Variants in IFT88 observed in about 807,000 individuals in gnomAD.
IFT88 encodes intraflagellar transport 88.
Under a neutral mutation model 119.5 loss-of-function variants are expected in IFT88, and 74 were observed. That is an observed-to-expected ratio of 0.62 (90% CI 0.51 to 0.75). The LOEUF (loss-of-function observed/expected upper bound fraction) is 0.75. Among genes scored for constraint, IFT88 ranks in the 30% least tolerant of loss-of-function variants. The probability of loss-of-function intolerance (pLI) is 0.00; values close to 1 mark genes in which losing one functional copy is unlikely to be tolerated. For missense variants in IFT88, 961 were observed against 977.7 expected, an observed-to-expected ratio of 0.98 and a Z score of 0.23; for synonymous variants, 279 against 316.7, an observed-to-expected ratio of 0.88 and a Z score of 1.26.
At chr13:20,579,846 A>C (rs912283881) in intron 2 of IFT88, among the ~76,000 whole-genome samples, 5 of 152,110 alleles carry the variant, frequency 3.3e-5, no homozygotes, top group African/African-American at 1.2e-4. Context: ...TTCAGGACCC[A>C]AGGGCCCTTT....
intron 8 of IFT88, 98 bp downstream of exon 8, chr13:20,596,338 C>T (rs530512461): frequency 4.2e-4 from 173 of 413,476 alleles, no homozygotes; most frequent in South Asian, 3.5e-3. Context: ...TTTTGTTTGC[C>T]GTTGACTGGT....
chr13:20,568,399 A>G (rs1182076528), intron 1 of IFT88, among the ~76,000 whole-genome samples: 7 of 152,216 alleles, frequency 4.6e-5, no homozygotes, highest in Non-Finnish European at 1.0e-4. Context: ...CACTTTCCAC[A>G]TCTTTTAATA....
chr13:20,594,973 GTAT>G (rs1234012689), intron 7 of IFT88, among the ~76,000 whole-genome samples: 1 of 152,206 alleles, frequency 6.6e-6, no homozygotes, highest in Non-Finnish European at 1.5e-5. Flanking sequence ...TGTATTCAGA[GTAT>G]TGTTGTATTT....
At chr13:20,570,516 G>GGA (rs2036121644) in intron 1 of IFT88, among the ~76,000 whole-genome samples, 5 of 152,330 alleles carry the variant, frequency 3.3e-5, no homozygotes, top group African/African-American at 1.2e-4. Flanking sequence ...TGTTGCAGAT[G>GGA]TATTTAGCCA....
At chr13:20,653,239 G>C (rs1276350466) in intron 20 of IFT88, among the ~76,000 whole-genome samples, 3 of 152,150 alleles carry the variant, frequency 2.0e-5, no homozygotes, top group Non-Finnish European at 4.4e-5. Context: ...AATCGAGTAG[G>C]AACTGAGGTT....
chr13:20,580,747 A>G (rs1310845756), intron 2 of IFT88, among the ~76,000 whole-genome samples: 1 of 125,034 alleles, frequency 8.0e-6, no homozygotes, highest in Non-Finnish European at 1.6e-5. Context: ...TTTTTTTGAG[A>G]TGGAGTCTCG....
intron 9 of IFT88, among the ~76,000 whole-genome samples, 161 bp downstream of exon 9, chr13:20,597,280 T>C (rs1324235862): frequency 3.9e-5 from 6 of 152,176 alleles, no homozygotes; most frequent in Non-Finnish European, 8.8e-5. Flanking sequence ...TGTCTTTGTT[T>C]TGTGCAAAGA....
At chr13:20,568,308 A>G (rs1381790726) in intron 1 of IFT88, among the ~76,000 whole-genome samples, 1 of 152,260 alleles carries the variant, frequency 6.6e-6, no homozygotes. Flanking sequence ...GAGAATCCAG[A>G]AACCCTGGGT....
intron 14 of IFT88, among the ~76,000 whole-genome samples, chr13:20,616,723 G>A (rs897831669): frequency 6.6e-6 from 1 of 152,116 alleles, no homozygotes; most frequent in Admixed American, 6.5e-5. Flanking sequence ...TTATTATCAA[G>A]TATTATGTAC....
At chr13:20,628,376 A>C (rs2047676260) in intron 15 of IFT88, among the ~76,000 whole-genome samples, 1 of 152,228 alleles carries the variant, frequency 6.6e-6, no homozygotes, top group African/African-American at 2.4e-5. Context: ...CAGGAGCTAG[A>C]TGGCATCAGC....
At chr13:20,670,100 G>C (rs1191661617) in intron 23 of IFT88, among the ~76,000 whole-genome samples, 1 of 152,148 alleles carries the variant, frequency 6.6e-6, no homozygotes, top group Admixed American at 6.5e-5. Context: ...GGGTTAAGGA[G>C]TTAAATAATT....
rs138201893 is a variant in IFT88 at position 20,685,649 on chromosome 13, T to G, written c.2243-5056T>G. 9.4e-3 allele frequency among the ~76,000 whole-genome samples: 1,433 copies of G among 152,254 alleles called. 25 individuals are homozygous for G. Among genetic ancestry groups the G allele is most frequent in the African/African-American group, 0.033 (1,368 of 41,540 alleles). On this transcript the variant is annotated intron_variant, in intron 24 of 25. Transcript: ENST00000351808. ...ACTTTGGGAGGCCAAGGCAGGCAGA[T>G]CACTTGGATCACTTAAGGTCAAGAG...
At chr13:20,637,295 C>T (rs2049160819) in intron 16 of IFT88, among the ~76,000 whole-genome samples, 1 of 152,160 alleles carries the variant, frequency 6.6e-6, no homozygotes, top group African/African-American at 2.4e-5. Context: ...TATATCTAAA[C>T]TTTTTAAAAA....
chr13:20,633,519 A>C (rs1293474966), intron 16 of IFT88, among the ~76,000 whole-genome samples: 1 of 152,222 alleles, frequency 6.6e-6, no homozygotes, highest in Non-Finnish European at 1.5e-5. Flanking sequence ...CCATGGCGTG[A>C]AGCATGGTGT....
chr13:20,613,689 T>G (rs534214286), intron 13 of IFT88, among the ~76,000 whole-genome samples: 1 of 152,238 alleles, frequency 6.6e-6, no homozygotes, highest in East Asian at 1.9e-4. Flanking sequence ...TGTGCAACAA[T>G]TAATGAAGGT....
At chr13:20,596,845 AAAAC>A (rs1470399482) in intron 8 of IFT88, among the ~76,000 whole-genome samples, 166 bp from the exon 9 acceptor site, 1 of 152,220 alleles carries the variant, frequency 6.6e-6, no homozygotes, top group East Asian at 1.9e-4. Context: ...GTCATTCTAA[AAAAC>A]AAAAAGTCCC....
At chr13:20,568,741 G>A (rs1029089237) in intron 1 of IFT88, among the ~76,000 whole-genome samples, 3 of 151,352 alleles carry the variant, frequency 2.0e-5, no homozygotes, top group Non-Finnish European at 4.4e-5. Context: ...TTTTTGAGAC[G>A]GAGTCGCACG....
chr13:20,587,892 AT>A (rs1268121184), intron 3 of IFT88, among the ~76,000 whole-genome samples: 14 of 150,512 alleles, frequency 9.3e-5, no homozygotes, highest in African/African-American at 3.4e-4. Context: ...ATTGGTTTTT[AT>A]TTTTTTAATA....
At chr13:20,675,846 G>T (rs1403774046) in intron 24 of IFT88, among the ~76,000 whole-genome samples, 2 of 152,178 alleles carry the variant, frequency 1.3e-5, no homozygotes, top group African/African-American at 4.8e-5. Flanking sequence ...TCATTAGCTT[G>T]CTGGATAGAC....
Sources: gnomAD v4.1 joint callset for allele counts (sites outside exome capture counted in the v4.1 genomes callset) on GRCh38, gnomAD v4.1.1 for gene constraint, MANE v1.5 for transcripts, NCBI Gene and HGNC (gene_info 2026-07-23, HGNC 2026-07-21) for gene names.